The following MOV10L1 variants were observed in gnomAD, a reference collection of about 807,000 sequenced individuals.
The protein encoded by MOV10L1 is Mov10 like RNA helicase 1, also known as RNA helicase Mov10l1.
A neutral mutation model predicts 143.8 loss-of-function variants in MOV10L1; 110 were observed. That is an observed-to-expected ratio of 0.76 (90% CI 0.66 to 0.90). The LOEUF (loss-of-function observed/expected upper bound fraction) is 0.90. Ranked by LOEUF, MOV10L1 falls within the 40% of genes least tolerant of loss-of-function variation. The probability of loss-of-function intolerance (pLI) is 0.00; values close to 1 mark genes in which losing one functional copy is unlikely to be tolerated. For missense variants in MOV10L1, 1,406 were observed against 1,526.8 expected, an observed-to-expected ratio of 0.92 and a Z score of 1.32; for synonymous variants, 593 against 581.1, an observed-to-expected ratio of 1.02 and a Z score of -0.29.
At chr22:50,112,258 C>G (rs764308820) in intron 5 of MOV10L1, among the ~76,000 whole-genome samples, 1 of 152,210 alleles carries the variant, frequency 6.6e-6, no homozygotes, top group Non-Finnish European at 1.5e-5. Flanking sequence ...TGCATCTGAC[C>G]ACGGAAGCCT....
intron 5 of MOV10L1, 99 bp from the exon 6 acceptor site, chr22:50,113,549 C>CT: frequency 6.7e-7 from 1 of 1,492,516 alleles, no homozygotes; most frequent in Non-Finnish European, 9.0e-7. Context: ...AGGTGGTCCT[C>CT]TGAGTGCCCC....
rs922703619 is a variant in MOV10L1 at position 50,126,286 on chromosome 22, C to A, written c.1818+14C>A. 1 of 1,597,706 alleles carries A rather than the reference C, an allele frequency of 6.3e-7. No individual in the cohort carries two copies. The highest frequency in any genetic ancestry group is 8.6e-7 in the Non-Finnish European group (1 of 1,165,292). On this transcript the variant is annotated intron_variant, in intron 12 of 26. Transcript: ENST00000262794. ...TACGTGACTGAGGTGAGAGCACTCT[C>A]TCTTAATGAGTTTGTGTTAGACACA...
intron 15 of MOV10L1, among the ~76,000 whole-genome samples, chr22:50,136,236 A>G (rs1339855203): frequency 2.0e-5 from 3 of 152,008 alleles, no homozygotes; most frequent in Non-Finnish European, 4.4e-5. Context: ...TTACTGGTTC[A>G]TTCTACTGCC....
At chr22:50,103,563 C>A (rs894416448) in intron 3 of MOV10L1, among the ~76,000 whole-genome samples, 9 of 152,016 alleles carry the variant, frequency 5.9e-5, no homozygotes, top group African/African-American at 2.2e-4. Flanking sequence ...ATCAAATGGC[C>A]CCTGAGGACA....
intron 24 of MOV10L1, among the ~76,000 whole-genome samples, chr22:50,160,208 T>TCCC (rs1460965000): frequency 9.5e-6 from 1 of 105,292 alleles, no homozygotes; most frequent in Non-Finnish European, 1.9e-5. Flanking sequence ...CCCTTCCTCC[T>TCCC]CCCCCTTCTC....
In MOV10L1 at chr22:50,090,382, G is replaced by A. The variant is rs961029968; in HGVS notation, c.97+197G>A. 20 of 1,546,528 alleles carry A rather than the reference G, an allele frequency of 1.3e-5. No individual in the cohort carries two copies. In the East Asian group the frequency reaches 1.7e-4, roughly 13 times the overall value. ...CCCACAGCATCCCGCCGCTCTGGGC[G>A]CCCGTCCTCTGTGAGGTCTCTCCGG... On this transcript the variant is annotated intron_variant, in intron 1 of 26. Coordinates refer to ENST00000262794, the MANE Select transcript of MOV10L1 (RefSeq NM_018995.3).
At chr22:50,121,305 T>A (rs1001696558) in intron 10 of MOV10L1, among the ~76,000 whole-genome samples, 3 of 152,084 alleles carry the variant, frequency 2.0e-5, no homozygotes, top group Admixed American at 6.5e-5. Flanking sequence ...CAAATACACC[T>A]CCTTGTTTAA....
At chr22:50,141,048 G>C (rs2147335186) in intron 15 of MOV10L1, among the ~76,000 whole-genome samples, 1 of 151,600 alleles carries the variant, frequency 6.6e-6, no homozygotes, top group Middle Eastern at 3.4e-3. Context: ...TCTTGTGTAG[G>C]ATCCTTTTTT....
chr22:50,145,921 G>A lies in MOV10L1; in HGVS notation c.2627+111G>A. 2.0e-6 allele frequency: 3 copies of A among 1,502,472 alleles called. No homozygotes were observed. The South Asian group carries it at 3.6e-5, about 18-fold the overall frequency. 93.1% of individuals were successfully genotyped at this position (1,502,472 alleles called of 1,614,324 possible). Reference sequence around the variant, plus strand: ...ACCCAGAGACTCAGTGCTCAGGGAGGGAGGCAGGGCTGTGGGCGAGAAAGG... The same window carrying A: ...ACCCAGAGACTCAGTGCTCAGGGAGAGAGGCAGGGCTGTGGGCGAGAAAGG... On this transcript the variant is annotated intron_variant, in intron 19 of 26. Transcript: ENST00000262794.
chr22:50,134,676 C>T (rs140714176), intron 15 of MOV10L1, 46 bp downstream of exon 15: 7 of 1,546,854 alleles, frequency 4.5e-6, no homozygotes, highest in East Asian at 2.2e-5. Flanking sequence ...GATGGCTCAG[C>T]GACGTGGCTG....
chr22:50,160,904 C>T, intron 25 of MOV10L1, 60 bp from the exon 26 acceptor site: 3 of 1,612,774 alleles, frequency 1.9e-6, no homozygotes, highest in Middle Eastern at 1.7e-4. Flanking sequence ...ACGTACGAGG[C>T]ACCAGGAGAC....
At position 50,104,092 on chromosome 22, in the gene MOV10L1, C is replaced by T. The variant is rs191875393; in HGVS notation, c.443-4044C>T. Among the ~76,000 whole-genome samples, 17 of 152,276 alleles carry T rather than the reference C, an allele frequency of 1.1e-4. No individual in the cohort carries two copies. The South Asian group carries it at 1.2e-3, about 11-fold the overall frequency. On this transcript the variant is annotated intron_variant, in intron 3 of 26. Coordinates refer to ENST00000262794, the MANE Select transcript of MOV10L1 (RefSeq NM_018995.3). Reference sequence around the variant, plus strand: ...AGGCATTAGATTCTCATAAGGAGCACGCAACCTAGATCCCTCGCATGCACG... The same window carrying T: ...AGGCATTAGATTCTCATAAGGAGCATGCAACCTAGATCCCTCGCATGCACG...
chr22:50,150,873 G>A lies in MOV10L1; in HGVS notation c.2866G>A (p.Ala956Thr), dbSNP rs144437901. ...CCAGAGGGACGAAAATGCTTTCGGT[G>A]CTTGTGGCGCACATAATCCCCTGTT... ...AYQRDENAFG[A>T]CGAHNPLLVT... The change falls in exon 21 of 27, where the codon GCT (alanine) becomes ACT (threonine). Residue 956 changes from alanine to threonine, a missense_variant. This residue lies in a region of MOV10L1 where 1,233 missense variants were observed against 1,351.4 expected (regional missense o/e 0.91). Transcript: ENST00000262794. 54 of 1,614,092 alleles carry A rather than the reference G, an allele frequency of 3.3e-5. No homozygotes were observed. The highest frequency in any genetic ancestry group is 5.0e-5 in the Admixed American group (3 of 60,012).
intron 5 of MOV10L1, among the ~76,000 whole-genome samples, chr22:50,112,377 G>C (rs563154807): frequency 5.4e-4 from 83 of 152,294 alleles, no homozygotes; most frequent in African/African-American, 1.9e-3. Flanking sequence ...CAGGCTTCCT[G>C]TCTGTTCTCT....
intron 15 of MOV10L1, among the ~76,000 whole-genome samples, chr22:50,139,384 CTT>C (rs998085179): frequency 4.0e-4 from 61 of 151,840 alleles, no homozygotes; most frequent in African/African-American, 1.3e-3. Context: ...ATAAATTGGA[CTT>C]CAGTGAAATT....
intron 13 of MOV10L1, among the ~76,000 whole-genome samples, chr22:50,130,458 C>T (rs996520155): frequency 1.3e-5 from 2 of 151,932 alleles, no homozygotes; most frequent in Non-Finnish European, 2.9e-5. Flanking sequence ...GAATGGACTA[C>T]GGGGGAATGG....
rs570467047 is a variant in MOV10L1 at position 50,090,081 on chromosome 22, C to T, written c.-8C>T. On this transcript the variant is annotated 5_prime_UTR_variant, in exon 1 of 27. Transcript: ENST00000262794. Reference sequence around the variant, plus strand: ...GGCGGTGACGGCAGCCTAGGCCGGGCGAGGGCCATGCTGAGCCTCGCAGCC... The same window carrying T: ...GGCGGTGACGGCAGCCTAGGCCGGGTGAGGGCCATGCTGAGCCTCGCAGCC... 409 of 1,289,780 alleles carry T rather than the reference C, an allele frequency of 3.2e-4. No homozygotes were observed. Among genetic ancestry groups the T allele is most frequent in the South Asian group, 2.9e-3 (115 of 40,066 alleles). The allele number at this position is 1,289,780 out of a possible 1,614,324, so 79.9% of individuals were successfully genotyped here. A position where few individuals can be genotyped will look rare whatever the true frequency, so the allele number is the denominator to read the frequency against.
intron 9 of MOV10L1, among the ~76,000 whole-genome samples, chr22:50,118,406 G>A (rs749678298): frequency 5.3e-5 from 8 of 152,160 alleles, no homozygotes; most frequent in African/African-American, 1.2e-4. Context: ...CTCAGTAAGC[G>A]AATAAGCAGT....
At chr22:50,102,457 A>C (rs954632803) in intron 3 of MOV10L1, among the ~76,000 whole-genome samples, 1 of 152,220 alleles carries the variant, frequency 6.6e-6, no homozygotes. Context: ...GAATTATGCT[A>C]AATTTTTCAT....
Sources: allele counts gnomAD v4.1 joint callset (sites outside exome capture counted in the v4.1 genomes callset), GRCh38; gene constraint gnomAD v4.1.1; regional missense constraint gnomAD v4.1.1; transcripts MANE v1.5; gene names NCBI Gene and HGNC (gene_info 2026-07-23, HGNC 2026-07-21).